Variants in CSMD1 observed in about 807,000 individuals in gnomAD.
CSMD1 encodes the protein CUB and Sushi multiple domains 1, also known as CUB and sushi domain-containing protein 1.
In CSMD1, 213 loss-of-function variants were observed where a neutral mutation model predicts 417.5. That is an observed-to-expected ratio of 0.51 (90% CI 0.46 to 0.57). The LOEUF (loss-of-function observed/expected upper bound fraction) is 0.57. Ranked by LOEUF, CSMD1 falls within the 20% of genes least tolerant of loss-of-function variation. CSMD1 has a pLI of 0.00. For missense variants in CSMD1, 6,923 were observed against 4,529.7 expected, an observed-to-expected ratio of 1.53 and a Z score of -15.17; for synonymous variants, 2,862 against 1,736.8, an observed-to-expected ratio of 1.65 and a Z score of -16.11.
chr8:4,838,751 T>A (rs10090660), intron 1 of CSMD1, among the ~76,000 whole-genome samples: 2 of 152,008 alleles, frequency 1.3e-5, no homozygotes, highest in Non-Finnish European at 2.9e-5. Context: ...AAATGAAGAC[T>A]AACAAGGAAG....
intron 1 of CSMD1, among the ~76,000 whole-genome samples, chr8:4,799,198 G>GA (rs1798147213): frequency 2.0e-5 from 3 of 152,060 alleles, no homozygotes; most frequent in African/African-American, 7.2e-5. Flanking sequence ...AAGGGAATAA[G>GA]AAAAAATGTT....
At chr8:4,492,538 G>C (rs181859507) in intron 2 of CSMD1, among the ~76,000 whole-genome samples, 1 of 152,138 alleles carries the variant, frequency 6.6e-6, no homozygotes, top group African/African-American at 2.4e-5. Context: ...TTTCTCACAT[G>C]ATTTGCTCTA....
intron 60 of CSMD1, 138 bp downstream of exon 60, chr8:2,963,084 A>C (rs945051647): frequency 2.2e-6 from 2 of 916,494 alleles, no homozygotes; most frequent in Non-Finnish European, 3.3e-6. Context: ...CACAGTCTCA[A>C]GTTTGAGTTT....
intron 1 of CSMD1, among the ~76,000 whole-genome samples, chr8:4,932,124 A>T (rs142934763): frequency 1.3e-3 from 204 of 152,366 alleles, no homozygotes; most frequent in African/African-American, 4.6e-3. Flanking sequence ...TCAATGTTTA[A>T]TCACATTTCT....
In CSMD1 at chr8:3,958,317, TC is replaced by T. The variant is rs1563253927; in HGVS notation, c.818+39585del. On this transcript the variant is annotated intron_variant, in intron 5 of 69. Transcript: ENST00000635120. ...AAAAAAGTTTCATTTTTTTAAACTC[TC>T]TCTTTTTTTTTTTTTTTTCCAACTT... Among the ~76,000 whole-genome samples, 7 of 16,084 alleles carry T rather than the reference TC, an allele frequency of 4.4e-4. No individual in the cohort carries two copies. The South Asian group carries it at 9.5e-3, about 22-fold the overall frequency. The allele number at this position is 16,084 out of a possible 152,430, so 10.6% of individuals were successfully genotyped here.
chr8:3,221,520 A>C (rs747891644), intron 28 of CSMD1, among the ~76,000 whole-genome samples: 121 of 137,916 alleles, frequency 8.8e-4, no homozygotes, highest in Non-Finnish European at 1.4e-3. Context: ...AAATACTGCC[A>C]GACACAGGAA....
At chr8:3,228,756 G>A (rs1226710075) in intron 27 of CSMD1, among the ~76,000 whole-genome samples, 4 of 150,862 alleles carry the variant, frequency 2.7e-5, no homozygotes, top group Non-Finnish European at 4.4e-5. Context: ...ATTCCTCCAC[G>A]AGCCTAAAAA....
intron 49 of CSMD1, among the ~76,000 whole-genome samples, chr8:3,064,118 C>G (rs755043367): frequency 6.6e-6 from 1 of 152,220 alleles, no homozygotes; most frequent in Non-Finnish European, 1.5e-5. Flanking sequence ...GCTCAAGCTG[C>G]CTCTTAGAGG....
intron 3 of CSMD1, among the ~76,000 whole-genome samples, chr8:4,327,657 T>C (rs1449427986): frequency 6.6e-6 from 1 of 152,040 alleles, no homozygotes; most frequent in Non-Finnish European, 1.5e-5. Flanking sequence ...AACAAAAAGC[T>C]CCACGATGCA....
intron 1 of CSMD1, among the ~76,000 whole-genome samples, chr8:4,762,954 T>A (rs1812214408): frequency 1.3e-5 from 2 of 152,136 alleles, no homozygotes; most frequent in South Asian, 4.1e-4. Flanking sequence ...GGCTTATATT[T>A]CTCAATATCT....
At chr8:3,200,514 C>T (rs896664058) in intron 32 of CSMD1, among the ~76,000 whole-genome samples, 11 of 151,644 alleles carry the variant, frequency 7.3e-5, no homozygotes, top group African/African-American at 2.7e-4. Context: ...GAGATGGTGC[C>T]ACTGCACTCT....
intron 10 of CSMD1, among the ~76,000 whole-genome samples, chr8:3,566,034 T>C (rs1023986798): frequency 6.6e-6 from 1 of 152,192 alleles, no homozygotes. Flanking sequence ...CATAAACTCT[T>C]TGCCTGTCAT....
intron 2 of CSMD1, among the ~76,000 whole-genome samples, chr8:4,429,328 A>G (rs1375703507): frequency 4.6e-5 from 7 of 152,064 alleles, no homozygotes; most frequent in Non-Finnish European, 8.8e-5. Flanking sequence ...AGAGCTTTAC[A>G]TGTGTATATG....
intron 2 of CSMD1, among the ~76,000 whole-genome samples, chr8:4,606,505 G>A (rs548000338): frequency 1.3e-5 from 2 of 152,184 alleles, no homozygotes; most frequent in African/African-American, 4.8e-5. Flanking sequence ...TTGGTTCTGT[G>A]TGTGGCTGAA....
chr8:4,318,675 G>A (rs913761734), intron 3 of CSMD1, among the ~76,000 whole-genome samples: 1 of 145,000 alleles, frequency 6.9e-6, no homozygotes, highest in Non-Finnish European at 1.5e-5. Flanking sequence ...TGATATCACT[G>A]ATTTTTAACT....
intron 5 of CSMD1, among the ~76,000 whole-genome samples, chr8:3,925,617 G>A (rs541627939): frequency 6.6e-6 from 1 of 151,980 alleles, no homozygotes; most frequent in Non-Finnish European, 1.5e-5. Context: ...TCGCAACAGT[G>A]AATAAGTCTC....
At chr8:4,014,984 C>T (rs139548913) in intron 4 of CSMD1, among the ~76,000 whole-genome samples, 92 of 152,286 alleles carry the variant, frequency 6.0e-4, no homozygotes, top group Middle Eastern at 3.4e-3. Flanking sequence ...AAATGTAGCA[C>T]AGCAAATATG....
chr8:4,228,768 C>T (rs1415619142), intron 3 of CSMD1, among the ~76,000 whole-genome samples: 1 of 152,110 alleles, frequency 6.6e-6, no homozygotes, highest in East Asian at 1.9e-4. Flanking sequence ...AATGCAACCT[C>T]TGCCTCCTGG....
chr8:3,500,734 T>C lies in CSMD1; in HGVS notation c.1345-7008A>G, dbSNP rs181247456. Among the ~76,000 whole-genome samples, 186 of 152,226 alleles carry C rather than the reference T, an allele frequency of 1.2e-3. No individual in the cohort carries two copies. In the South Asian group the frequency reaches 0.016, roughly 13 times the overall value. On this transcript the variant is annotated intron_variant, in intron 10 of 69. Transcript: ENST00000635120. ...AGCTCTAAGATGAGACGTGTGGGCTTGACTGGATGGAGGACATGGATAACC... is the reference window on the plus strand; with the variant it reads ...AGCTCTAAGATGAGACGTGTGGGCTCGACTGGATGGAGGACATGGATAACC...
Sources: gnomAD v4.1 joint callset for allele counts (sites outside exome capture counted in the v4.1 genomes callset) on GRCh38, gnomAD v4.1.1 for gene constraint, MANE v1.5 for transcripts, NCBI Gene and HGNC (gene_info 2026-07-23, HGNC 2026-07-21) for gene names.